Variants in QSER1 observed in about 807,000 individuals in gnomAD.
QSER1 encodes the protein glutamine and serine rich 1.
In QSER1, 49 loss-of-function variants were observed where a neutral mutation model predicts 158.5. The observed-to-expected ratio is 0.31, with a 90% confidence interval of 0.25 to 0.39. QSER1 has a LOEUF of 0.39. Ranked by LOEUF, QSER1 falls within the 10% of genes least tolerant of loss-of-function variation. The probability of loss-of-function intolerance (pLI) is 1.00; values close to 1 mark genes in which losing one functional copy is unlikely to be tolerated. For missense variants in QSER1, 1,754 were observed against 2,010.3 expected (o/e 0.87, Z 2.44); for synonymous variants, 650 against 715.5 (o/e 0.91, Z 1.46).
chr11:32,959,548 G>A (rs577735641), intron 8 of QSER1, among the ~76,000 whole-genome samples: 31 of 152,318 alleles, frequency 2.0e-4, no homozygotes, highest in African/African-American at 7.5e-4. Context: ...CAGGGATGGA[G>A]ATGAGGGGAC....
intron 4 of QSER1, among the ~76,000 whole-genome samples, chr11:32,946,112 A>G (rs1852326946): frequency 1.3e-5 from 2 of 151,834 alleles, no homozygotes; most frequent in South Asian, 4.2e-4. Flanking sequence ...ACTTCTCTGT[A>G]TTGGTTATTC....
At chr11:32,942,729 T>A (rs1852262255) in intron 4 of QSER1, among the ~76,000 whole-genome samples, 2 of 152,160 alleles carry the variant, frequency 1.3e-5, no homozygotes, top group African/African-American at 4.8e-5. Context: ...CTTTTTTGGT[T>A]CCATATGAAC....
At chr11:32,948,502 G>A (rs1477167598) in intron 4 of QSER1, among the ~76,000 whole-genome samples, 2 of 152,202 alleles carry the variant, frequency 1.3e-5, no homozygotes, top group African/African-American at 4.8e-5. Context: ...GTTGGCATGT[G>A]CCTGTCGTCC....
At chr11:32,903,596 T>G (rs1320308294) in intron 1 of QSER1, among the ~76,000 whole-genome samples, 3 of 151,182 alleles carry the variant, frequency 2.0e-5, no homozygotes, top group Non-Finnish European at 2.9e-5. Flanking sequence ...GTAAGTTTTT[T>G]ATTTGTTTGT....
intron 4 of QSER1, among the ~76,000 whole-genome samples, chr11:32,943,449 G>T (rs1417381020): frequency 6.6e-6 from 1 of 152,038 alleles, no homozygotes; most frequent in African/African-American, 2.4e-5. Flanking sequence ...ATGAAGCGTT[G>T]TTGAATTTTG....
At chr11:32,926,760 C>A (rs1331346572) in intron 1 of QSER1, 2 of 152,066 alleles carry the variant, frequency 1.3e-5, no homozygotes, top group Non-Finnish European at 2.9e-5. Context: ...TTCATCTGGT[C>A]CTTTTTTTAT....
At chr11:32,924,020 T>A (rs1456737309) in intron 1 of QSER1, among the ~76,000 whole-genome samples, 3 of 152,114 alleles carry the variant, frequency 2.0e-5, no homozygotes, top group African/African-American at 7.2e-5. Context: ...TATACCTAAT[T>A]TTTAAAAAGC....
Position 32,933,608 on chromosome 11 carries a change from C to T in QSER1, c.2350C>T (p.Leu784Phe). The change falls in exon 4 of 13, where the codon CTT (leucine) becomes TTT (phenylalanine). Residue 784 changes from leucine (L) to phenylalanine (F), a missense_variant. Leu to Phe is a conservative substitution (Grantham distance 22). Around this residue, in one of 2 missense-constraint regions of QSER1, gnomAD observed 1,707 missense variants for 1,919.6 expected, o/e 0.89. Transcript: ENST00000650167. ...TGGCCAAGTCAATAATGCAGCTACC[C>T]TTGATCTTAAGAACTCAACTAATTT... ...QIGQVNNAATLDLKNSTNLIQ... is the reference protein window; with the variant it reads ...QIGQVNNAATFDLKNSTNLIQ... 1.2e-6 allele frequency: 2 copies of T among 1,613,970 alleles called. No individual in the cohort carries two copies. The highest frequency in any genetic ancestry group is 1.7e-6 in the Non-Finnish European group (2 of 1,179,956).
intron 1 of QSER1, among the ~76,000 whole-genome samples, chr11:32,900,985 C>T (rs1183444087): frequency 6.6e-6 from 1 of 152,206 alleles, no homozygotes; most frequent in Non-Finnish European, 1.5e-5. Flanking sequence ...CTAACCATCA[C>T]TGATAGAATG....
intron 1 of QSER1, among the ~76,000 whole-genome samples, chr11:32,915,113 G>C (rs546402025): frequency 1.3e-5 from 2 of 152,214 alleles, no homozygotes; most frequent in Admixed American, 6.5e-5. Flanking sequence ...TCACTGTGTT[G>C]CCCAGGCTGA....
chr11:32,911,810 A>G (rs557862070), intron 1 of QSER1, among the ~76,000 whole-genome samples: 2 of 152,314 alleles, frequency 1.3e-5, no homozygotes, highest in East Asian at 3.9e-4. Flanking sequence ...TAAGTTACCT[A>G]GTTTCACATC....
chr11:32,897,215 G>C (rs981755100), intron 1 of QSER1, among the ~76,000 whole-genome samples: 2 of 152,182 alleles, frequency 1.3e-5, no homozygotes, highest in South Asian at 4.1e-4. Flanking sequence ...TGAGGAAACT[G>C]AGGGATAGAG....
chr11:32,934,458 C>A lies in QSER1; in HGVS notation c.3200C>A (p.Ser1067Ter). 1 of 1,613,698 alleles carries A rather than the reference C, an allele frequency of 6.2e-7. No individual in the cohort carries two copies. The highest frequency in any genetic ancestry group is 8.5e-7 in the Non-Finnish European group (1 of 1,179,984). Reference sequence around the variant, plus strand: ...CTTTCACCAGTACCTGCCCTTCAGTCAAAAATGACTCTTGATCAACAGCAC... The same window carrying A: ...CTTTCACCAGTACCTGCCCTTCAGTAAAAAATGACTCTTGATCAACAGCAC... ...VNLSPVPALQ[S>*]KMTLDQQHIE... is the part of the protein sequence containing the mutation. Residue 1067 changes from serine to a stop codon, truncating the protein, a stop_gained, in exon 4 of 13, where the codon TCA becomes TAA. Transcript: ENST00000650167. LOFTEE classifies it high-confidence loss of function.
At chr11:32,912,369 C>T (rs1011561900) in intron 1 of QSER1, among the ~76,000 whole-genome samples, 1 of 152,050 alleles carries the variant, frequency 6.6e-6, no homozygotes, top group Non-Finnish European at 1.5e-5. Context: ...CTGTTTTGCC[C>T]TCATAATTTC....
At chr11:32,913,659 A>G (rs1463215040) in intron 1 of QSER1, among the ~76,000 whole-genome samples, 3 of 152,226 alleles carry the variant, frequency 2.0e-5, no homozygotes, top group Admixed American at 1.3e-4. Context: ...AGGTGCAACA[A>G]TAGTAGCATT....
chr11:32,929,311 C>A (rs1451932492), intron 3 of QSER1, among the ~76,000 whole-genome samples: 1 of 152,044 alleles, frequency 6.6e-6, no homozygotes, highest in African/African-American at 2.4e-5. Context: ...GGGGTTTCAC[C>A]ACATTGGCCA....
At position 32,957,941 on chromosome 11, in the gene QSER1, A is replaced by G; in HGVS notation, c.4824A>G (p.Lys1608=). The change falls in exon 8 of 13, where the codon AAA becomes AAG. Residue 1608 remains lysine, a synonymous_variant. Transcript: ENST00000650167. ...DPLASKTTTT[K]APSVKPKVKQ... is the part of the protein sequence containing the mutation. ...TAGCATCAAAAACTACAACTACAAA[A>G]GCCCCTTCCGTGAAACCCAAAGTTA... The G allele has an allele frequency of 6.2e-7, 1 of 1,614,178 alleles. No homozygotes were observed. The highest frequency in any genetic ancestry group is 8.5e-7 in the Non-Finnish European group (1 of 1,180,028).
At chr11:32,955,165 A>C (rs1235393019) in intron 5 of QSER1, 131 bp from the exon 6 acceptor site, 3 of 588,630 alleles carry the variant, frequency 5.1e-6, no homozygotes, top group Non-Finnish European at 6.0e-6. Context: ...ATTATTGCAG[A>C]ATATCAGATA....
At chr11:32,972,852 T>C (rs1195930680) in intron 10 of QSER1, among the ~76,000 whole-genome samples, 1 of 152,182 alleles carries the variant, frequency 6.6e-6, no homozygotes, top group Non-Finnish European at 1.5e-5. Context: ...GCAGTCAAAA[T>C]AAGCAAGAGA....
Sources: allele counts gnomAD v4.1 joint callset (sites outside exome capture counted in the v4.1 genomes callset), GRCh38; gene constraint gnomAD v4.1.1; regional missense constraint gnomAD v4.1.1; transcripts MANE v1.5; gene names NCBI Gene and HGNC (gene_info 2026-07-23, HGNC 2026-07-21).